The following PNISR variants were observed in gnomAD, a reference collection of about 807,000 sequenced individuals.
The protein encoded by PNISR is arginine/serine-rich protein PNISR.
PNISR carries 20 observed loss-of-function variants against 93.4 expected under a neutral mutation model. That is an observed-to-expected ratio of 0.21 (90% CI 0.15 to 0.31). The LOEUF (loss-of-function observed/expected upper bound fraction) is 0.31. Among genes scored for constraint, PNISR ranks in the 10% least tolerant of loss-of-function variants. The probability of loss-of-function intolerance (pLI) is 1.00; values close to 1 mark genes in which losing one functional copy is unlikely to be tolerated. For missense variants in PNISR, 893 were observed against 985.4 expected (o/e 0.91, Z 1.25); for synonymous variants, 305 against 306.5 (o/e 0.99, Z 0.05).
At chr6:99,423,636 T>C (rs1329705619) in intron 1 of PNISR, among the ~76,000 whole-genome samples, 1 of 152,218 alleles carries the variant, frequency 6.6e-6, no homozygotes, top group East Asian at 1.9e-4. Context: ...ATATAGTCCG[T>C]AAGGCCATTT....
Position 99,402,716 on chromosome 6 carries a change from T to A in PNISR, c.1157-6A>T. 6.5e-7 allele frequency: 1 copy of A among 1,549,128 alleles called. No homozygotes were observed. Among genetic ancestry groups the A allele is most frequent in the South Asian group, 1.2e-5 (1 of 80,268 alleles). ...TCCATAACCACCCAGTCCACCTGTG[T>A]GCATAAAGCTCAGTCTATCATATGA... On this transcript the variant is annotated splice_region_variant and splice_polypyrimidine_tract_variant and intron_variant, in intron 10 of 11. Transcript: ENST00000369239.
In PNISR at chr6:99,401,491, G is replaced by A. The variant is rs1366112290; in HGVS notation, c.1467C>T (p.Thr489=). 6.2e-7 allele frequency: 1 copy of A among 1,612,690 alleles called. No homozygotes were observed. The stretch of plus-strand genomic sequence containing the variant: ...CTTTTTTTGGTTCTAAAACTGATGT[G>A]GTTTCATTTGGAGTTCTCTTCTTTT... ...VNEKKRTPNE[T]TSVLEPKKEH... Residue 489 remains threonine, a synonymous_variant, in exon 12 of 12, where the codon ACC becomes ACT. Transcript: ENST00000369239.
chr6:99,403,343 CACT>C (rs1273867779), intron 10 of PNISR: 1 of 152,242 alleles, frequency 6.6e-6, no homozygotes, highest in Non-Finnish European at 1.5e-5. Context: ...ATGAACACAT[CACT>C]ACTATTTTAC....
intron 1 of PNISR, among the ~76,000 whole-genome samples, chr6:99,418,142 A>ATTC (rs1777973658): frequency 6.6e-6 from 1 of 151,498 alleles, no homozygotes; most frequent in African/African-American, 2.4e-5. Context: ...TATTATTATT[A>ATTC]TTATATTTTT....
intron 10 of PNISR, chr6:99,403,439 G>C (rs1775767539): frequency 1.3e-5 from 2 of 153,854 alleles, no homozygotes; most frequent in South Asian, 4.1e-4. Context: ...AGCATTAGTG[G>C]ATAGGTTCTT....
chr6:99,422,414 A>C (rs1446561033), intron 1 of PNISR, among the ~76,000 whole-genome samples: 1 of 152,234 alleles, frequency 6.6e-6, no homozygotes, highest in East Asian at 1.9e-4. Flanking sequence ...CTGACCTCAA[A>C]GTCAAAAAAG....
chr6:99,409,343 T>C lies in PNISR; in HGVS notation c.503A>G (p.His168Arg), dbSNP rs2128484787. ...VGPVNQFDYQ[H>R]GAAFGPPQGG... ...TTGCGGTGGACCAAAAGCAGCCCCA[T>C]GCTGAAAGAGTATTGCAGTTTATTT... The change falls in exon 6 of 12, where the codon CAT becomes CGT. Residue 168 changes from histidine (H) to arginine (R), a missense_variant and splice_region_variant. Around this residue, in one of 3 missense-constraint regions of PNISR, gnomAD observed 866 missense variants for 935.1 expected, o/e 0.93. Coordinates refer to ENST00000369239, the MANE Select transcript of PNISR (RefSeq NM_032870.4). 1 of 1,613,322 alleles carries C rather than the reference T, an allele frequency of 6.2e-7. No individual in the cohort carries two copies. Among genetic ancestry groups the C allele is most frequent in the Non-Finnish European group, 8.5e-7 (1 of 1,179,790 alleles).
At chr6:99,414,277 T>A (rs1241056035) in intron 3 of PNISR, among the ~76,000 whole-genome samples, 1 of 152,232 alleles carries the variant, frequency 6.6e-6, no homozygotes, top group African/African-American at 2.4e-5. Context: ...CACAGAAGTG[T>A]TCTCCATAAG....
In PNISR at chr6:99,401,385, T is replaced by C. The variant is rs201808470; in HGVS notation, c.1573A>G (p.Ser525Gly). The C allele has an allele frequency of 3.9e-4, 631 of 1,601,730 alleles. 3 individuals carry two copies. Among genetic ancestry groups the C allele is most frequent in the Non-Finnish European group, 4.7e-4 (553 of 1,168,998 alleles). ...CTAGAGACAGTACTACTAGTACTAC[T>C]AGTTCTGCTATTGCTACTGGAACTA... The part of the protein sequence containing the change: ...SGSSSSNSRT[S>G]STSSTVSSSS... The change falls in exon 12 of 12, where the codon AGT (serine) becomes GGT (glycine). Residue 525 changes from serine to glycine, a missense_variant. By Grantham distance (56) the Ser-to-Gly change is moderately conservative (BLOSUM62 0). Transcript: ENST00000369239.
At chr6:99,406,934 A>G (rs1443525109) in intron 7 of PNISR, among the ~76,000 whole-genome samples, 1 of 152,170 alleles carries the variant, frequency 6.6e-6, no homozygotes, top group East Asian at 1.9e-4. Context: ...ACAATCCCAC[A>G]GGCATTTGGG....
chr6:99,401,546 G>A lies in PNISR; in HGVS notation c.1412C>T (p.Ala471Val), dbSNP rs754502727. ...KEQNSLSLLE[A>V]READGDVVNE... is the part of the protein sequence containing the mutation. ...AACCACATCACCGTCTGCTTCTCTT[G>A]CTTCTAGTAGTGATAAACTATTTTG... is the stretch of plus-strand genomic sequence containing the variant. Residue 471 changes from alanine (A) to valine (V), a missense_variant, in exon 12 of 12, where the codon GCA becomes GTA. Physicochemically the swap from Ala to Val is moderately conservative, Grantham distance 64. This residue lies in a region of PNISR where 866 missense variants were observed against 935.1 expected (regional missense o/e 0.93). Transcript: ENST00000369239. The A allele has an allele frequency of 1.9e-6, 3 of 1,606,264 alleles. No individual in the cohort carries two copies. In the South Asian group the frequency reaches 3.4e-5, roughly 18 times the overall value.
At chr6:99,414,455 AC>A in intron 3 of PNISR, 116 bp downstream of exon 3, 1 of 472,952 alleles carries the variant, frequency 2.1e-6, no homozygotes, top group Non-Finnish European at 3.8e-6. Flanking sequence ...TTAAATTCTG[AC>A]CATAAAATGA....
At chr6:99,425,153 G>T (rs766370602) in intron 1 of PNISR, 62 bp downstream of exon 1, 1 of 1,131,644 alleles carries the variant, frequency 8.8e-7, no homozygotes, top group Non-Finnish European at 1.1e-6. Flanking sequence ...CTTCGCCACA[G>T]AAACCAAGAA....
At chr6:99,422,807 G>A (rs1255667509) in intron 1 of PNISR, among the ~76,000 whole-genome samples, 2 of 149,852 alleles carry the variant, frequency 1.3e-5, no homozygotes, top group African/African-American at 4.9e-5. Context: ...CCGGGAGGCA[G>A]GGGTTGCAAT....
intron 8 of PNISR, among the ~76,000 whole-genome samples, chr6:99,405,329 T>C (rs113899357): frequency 3.3e-5 from 5 of 152,016 alleles, no homozygotes; most frequent in African/African-American, 9.6e-5. Context: ...TAGCCAGGCA[T>C]GGTGGTGGGC....
chr6:99,422,991 A>T (rs927973541), intron 1 of PNISR, among the ~76,000 whole-genome samples: 1 of 152,064 alleles, frequency 6.6e-6, no homozygotes, highest in Admixed American at 6.6e-5. Context: ...CCCTAGTAGC[A>T]ACAAGCACAC....
chr6:99,401,688 C>A, intron 11 of PNISR, 58 bp from the exon 12 acceptor site: 1 of 1,340,386 alleles, frequency 7.5e-7, no homozygotes, highest in Non-Finnish European at 9.9e-7. Context: ...TCTCATACTA[C>A]CAAATGTCAA....
At chr6:99,416,167 C>T in intron 2 of PNISR, 182 bp downstream of exon 2, 1 of 381,612 alleles carries the variant, frequency 2.6e-6, no homozygotes, top group Non-Finnish European at 4.6e-6. Context: ...AACCTCTGTT[C>T]AGTGTTTCCT....
chr6:99,415,537 A>C (rs1369575390), intron 2 of PNISR: 1 of 152,170 alleles, frequency 6.6e-6, no homozygotes, highest in Non-Finnish European at 1.5e-5. Context: ...CTAGTCTGAA[A>C]ACATTCCTAA....
Sources: gnomAD v4.1 joint callset for allele counts (sites outside exome capture counted in the v4.1 genomes callset) on GRCh38, gnomAD v4.1.1 for gene constraint, gnomAD v4.1.1 regional missense constraint, MANE v1.5 for transcripts, NCBI Gene and HGNC (gene_info 2026-07-23, HGNC 2026-07-21) for gene names.